The following THADA variants were observed in gnomAD, a reference collection of about 807,000 sequenced individuals.
The protein encoded by THADA is THADA armadillo repeat containing, also known as tRNA (32-2'-O)-methyltransferase regulator THADA.
Under a neutral mutation model 219.8 loss-of-function variants are expected in THADA, and 213 were observed. That is an observed-to-expected ratio of 0.97 (90% CI 0.87 to 1.09). The LOEUF (loss-of-function observed/expected upper bound fraction) is 1.09. THADA is among the 50% of genes least tolerant of loss of function. THADA has a pLI of 0.00. For missense variants in THADA, 2,956 were observed against 2,311.3 expected (o/e 1.28, Z -5.72); for synonymous variants, 1,018 against 828.9 (o/e 1.23, Z -3.92).
intron 14 of THADA, among the ~76,000 whole-genome samples, chr2:43,568,297 G>GC (rs1318792625): frequency 2.0e-4 from 30 of 152,252 alleles, no homozygotes; most frequent in African/African-American, 6.0e-4. Context: ...ATCTCCACTA[G>GC]CCTAGAAGAT....
intron 26 of THADA, among the ~76,000 whole-genome samples, chr2:43,450,469 T>C (rs1573711287): frequency 6.6e-6 from 1 of 151,650 alleles, no homozygotes; most frequent in South Asian, 2.1e-4. Flanking sequence ...TTGAAACCCA[T>C]GGCAGCCACA....
intron 36 of THADA, among the ~76,000 whole-genome samples, chr2:43,248,200 GAGAGAGAGAGAGAGAC>G (rs1558464632): frequency 1.1e-4 from 14 of 127,012 alleles, no homozygotes; most frequent in African/African-American, 1.9e-4. Flanking sequence ...GAGAGAGAGA[GAGAGAGAGAGAGAGAC>G]AGAGAGAGAG....
chr2:43,509,418 C>A (rs1354465250), intron 22 of THADA, among the ~76,000 whole-genome samples: 1 of 152,144 alleles, frequency 6.6e-6, no homozygotes, highest in African/African-American at 2.4e-5. Context: ...TAAATGTATG[C>A]CCTACTAGAC....
At chr2:43,384,376 G>A (rs112905343) in intron 29 of THADA, among the ~76,000 whole-genome samples, 276 of 152,008 alleles carry the variant, frequency 1.8e-3, no homozygotes, top group African/African-American at 6.5e-3. Context: ...AGGGTACACT[G>A]GTATTCATTT....
At chr2:43,341,133 G>A (rs1055007319) in intron 30 of THADA, among the ~76,000 whole-genome samples, 4 of 152,184 alleles carry the variant, frequency 2.6e-5, no homozygotes, top group Non-Finnish European at 5.9e-5. Flanking sequence ...ACTTGTAAAA[G>A]TGTGCTGGGG....
intron 29 of THADA, among the ~76,000 whole-genome samples, chr2:43,352,124 A>C (rs1265799595): frequency 6.6e-6 from 1 of 152,240 alleles, no homozygotes; most frequent in African/African-American, 2.4e-5. Context: ...TTGTAAAATA[A>C]ATCTGTCTAA....
At chr2:43,429,109 T>G (rs182278178) in intron 27 of THADA, among the ~76,000 whole-genome samples, 1 of 68,876 alleles carries the variant, frequency 1.5e-5, no homozygotes, top group South Asian at 5.0e-4. Context: ...GTGTGTGTGT[T>G]TTTTTTTTCT....
At chr2:43,412,593 C>T (rs1353040953) in intron 28 of THADA, among the ~76,000 whole-genome samples, 1 of 152,138 alleles carries the variant, frequency 6.6e-6, no homozygotes, top group Non-Finnish European at 1.5e-5. Flanking sequence ...AAGTTCTCCA[C>T]TCCCCTATAT....
chr2:43,237,355 C>T (rs531446880), intron 36 of THADA, among the ~76,000 whole-genome samples: 16 of 151,664 alleles, frequency 1.1e-4, no homozygotes, highest in African/African-American at 2.9e-4. Flanking sequence ...TAAAATGTAC[C>T]GAACACCTAA....
At chr2:43,302,801 C>T (rs777295344) in intron 31 of THADA, among the ~76,000 whole-genome samples, 2 of 152,086 alleles carry the variant, frequency 1.3e-5, no homozygotes, top group African/African-American at 2.4e-5. Flanking sequence ...CCTGTAGTTC[C>T]AGCTAGCTGG....
intron 26 of THADA, among the ~76,000 whole-genome samples, chr2:43,440,411 A>G (rs1680703654): frequency 6.6e-6 from 1 of 152,218 alleles, no homozygotes; most frequent in South Asian, 2.1e-4. Flanking sequence ...CCTTGTTAAT[A>G]AATTACAAAC....
rs1375740542 is a variant in THADA, at chr2:43,574,824, A to G, written c.1241T>C (p.Met414Thr). ...GTGCATTTGGAGAAGGTTTTTGAAC[A>G]TGATTTTGGTTTGGTGTCTCAGAGC... ...LDALRHQTKI[M>T]FKNLLQMHRL... Residue 414 changes from methionine to threonine, a missense_variant, in exon 11 of 38, where the codon ATG becomes ACG. Transcript: ENST00000405975. 2.5e-6 allele frequency: 4 copies of G among 1,613,920 alleles called. No individual in the cohort carries two copies. The African/African-American group carries it at 4.0e-5, about 16-fold the overall frequency.
At chr2:43,255,485 T>C (rs949150703) in intron 36 of THADA, among the ~76,000 whole-genome samples, 1 of 151,298 alleles carries the variant, frequency 6.6e-6, no homozygotes, top group Non-Finnish European at 1.5e-5. Context: ...CTGACTTTCA[T>C]TGTTTTTCAC....
chr2:43,369,607 T>G (rs6705304), intron 29 of THADA, among the ~76,000 whole-genome samples: 16,726 of 152,212 alleles, frequency 0.11, 1,071 homozygotes, highest in South Asian at 0.2. Flanking sequence ...GGTTGCTCAT[T>G]AAGAAGGCAG....
intron 4 of THADA, among the ~76,000 whole-genome samples, chr2:43,590,107 A>G (rs78925283): frequency 0.017 from 2,614 of 152,294 alleles, 49 homozygotes; most frequent in Non-Finnish European, 0.022. Context: ...TACTAAGAAA[A>G]GTAAGATAAG....
intron 22 of THADA, among the ~76,000 whole-genome samples, chr2:43,515,479 T>C (rs999840446): frequency 7.2e-6 from 1 of 139,576 alleles, no homozygotes; most frequent in African/African-American, 2.7e-5. Context: ...GATAGTTTTC[T>C]GGGAAATTTA....
chr2:43,516,622 C>T (rs1286228315), intron 22 of THADA, among the ~76,000 whole-genome samples: 1 of 152,158 alleles, frequency 6.6e-6, no homozygotes, highest in Non-Finnish European at 1.5e-5. Context: ...GTAGAAGAGA[C>T]GGAAGCTAAA....
At chr2:43,266,165 C>T (rs1286417193) in intron 36 of THADA, among the ~76,000 whole-genome samples, 1 of 152,194 alleles carries the variant, frequency 6.6e-6, no homozygotes, top group Admixed American at 6.5e-5. Context: ...GGCCAGTGAG[C>T]TTGCCGGGAG....
chr2:43,349,666 G>A (rs547183643), intron 29 of THADA, among the ~76,000 whole-genome samples: 1 of 152,196 alleles, frequency 6.6e-6, no homozygotes, highest in Admixed American at 6.5e-5. Context: ...ACAGGACAAG[G>A]TTAGACAGGC....
Sources: gnomAD v4.1 joint callset for allele counts (sites outside exome capture counted in the v4.1 genomes callset) on GRCh38, gnomAD v4.1.1 for gene constraint, MANE v1.5 for transcripts, NCBI Gene and HGNC (gene_info 2026-07-23, HGNC 2026-07-21) for gene names.